The following GFRA1 variants were observed in gnomAD, a reference collection of about 807,000 sequenced individuals.
GFRA1 encodes the protein GDNF family receptor alpha-1.
In GFRA1, 16 loss-of-function variants were observed where a neutral mutation model predicts 51.6. The observed-to-expected ratio is 0.31, with a 90% CI of 0.21 to 0.47. The LOEUF is 0.47. GFRA1 is among the 20% of genes least tolerant of loss of function. GFRA1 has a pLI of 1.00. For missense variants in GFRA1, 530 were observed against 594.3 expected (o/e 0.89, Z 1.13); for synonymous variants, 270 against 241.3 (o/e 1.12, Z -1.10).
chr10:116,152,290 C>A (rs960131319), intron 5 of GFRA1, among the ~76,000 whole-genome samples: 1 of 152,194 alleles, frequency 6.6e-6, no homozygotes, highest in African/African-American at 2.4e-5. Context: ...CAGTACCCCA[C>A]GCTGTGGAAT....
chr10:116,061,442 T>C lies in GFRA1; in HGVS notation c.*2956A>G, dbSNP rs1438671493. The C allele has an allele frequency of 6.6e-6, 1 of 152,280 alleles. No homozygotes were observed. The highest frequency in any genetic ancestry group is 1.5e-5 in the Non-Finnish European group (1 of 68,082). The allele number at this position is 152,280 out of a possible 1,614,324, so 9.4% of individuals were successfully genotyped here. On this transcript the variant is annotated 3_prime_UTR_variant, in exon 11 of 11. Transcript: ENST00000355422. ...TCTATATTGTGTGCTTCTTCCTTCA[T>C]GTGCTCTATTAAAAAGATACTCAAG... is the stretch of plus-strand genomic sequence containing the variant.
At chr10:116,084,687 A>G (rs1422945099) in intron 9 of GFRA1, among the ~76,000 whole-genome samples, 2 of 152,062 alleles carry the variant, frequency 1.3e-5, no homozygotes, top group Non-Finnish European at 2.9e-5. Context: ...GTAAGACACC[A>G]GAGTTAAGCA....
chr10:116,267,390 C>T (rs1969743275), intron 4 of GFRA1, among the ~76,000 whole-genome samples: 3 of 152,080 alleles, frequency 2.0e-5, no homozygotes, highest in South Asian at 4.2e-4. Flanking sequence ...CACTTGAACA[C>T]GGGAGGCAAA....
chr10:116,213,608 T>C (rs567252988), intron 4 of GFRA1, among the ~76,000 whole-genome samples: 336 of 152,328 alleles, frequency 2.2e-3, no homozygotes, highest in African/African-American at 7.7e-3. Context: ...GTAGGAACTA[T>C]ATCATCAACA....
chr10:116,079,983 C>T (rs552989525), intron 9 of GFRA1, among the ~76,000 whole-genome samples: 3 of 152,244 alleles, frequency 2.0e-5, no homozygotes, highest in South Asian at 2.1e-4. Flanking sequence ...CCACAGGCCA[C>T]GAAGACCAGA....
At chr10:116,192,859 C>CA (rs1404743201) in intron 5 of GFRA1, among the ~76,000 whole-genome samples, 1 of 152,156 alleles carries the variant, frequency 6.6e-6, no homozygotes. Flanking sequence ...GCTGGGGAAA[C>CA]AGAGGCAGTC....
chr10:116,137,486 T>C (rs1250227540), intron 5 of GFRA1, among the ~76,000 whole-genome samples: 1 of 152,166 alleles, frequency 6.6e-6, no homozygotes, highest in Non-Finnish European at 1.5e-5. Flanking sequence ...TGCCTTCACC[T>C]GCTTCCCAAT....
At chr10:116,187,782 T>C (rs893531927) in intron 5 of GFRA1, among the ~76,000 whole-genome samples, 3 of 152,070 alleles carry the variant, frequency 2.0e-5, no homozygotes, top group Non-Finnish European at 2.9e-5. Flanking sequence ...AATCTCAACA[T>C]TGGCCATGGA....
At chr10:116,273,422 G>C (rs1335894044), upstream of GFRA1, 1 of 152,146 alleles carries the variant, frequency 6.6e-6, no homozygotes, top group Non-Finnish European at 1.5e-5. Flanking sequence ...TATTGGAAGC[G>C]GCGCGGAGAA....
chr10:116,223,976 T>C (rs1470669878), intron 4 of GFRA1, among the ~76,000 whole-genome samples: 1 of 152,192 alleles, frequency 6.6e-6, no homozygotes, highest in Non-Finnish European at 1.5e-5. Flanking sequence ...TGACACAGCA[T>C]TCCTTCCCTC....
At chr10:116,247,230 C>T (rs1016634390) in intron 4 of GFRA1, among the ~76,000 whole-genome samples, 1 of 152,156 alleles carries the variant, frequency 6.6e-6, no homozygotes, top group Non-Finnish European at 1.5e-5. Context: ...TCTCTCACTC[C>T]ATGTCCTCAA....
At chr10:116,143,943 G>A (rs74160636) in intron 5 of GFRA1, among the ~76,000 whole-genome samples, 2,813 of 152,184 alleles carry the variant, frequency 0.018, 84 homozygotes, top group African/African-American at 0.064. Flanking sequence ...CTTTGTCACT[G>A]CTCGGTTTGG....
chr10:116,064,104 A>C lies in GFRA1; in HGVS notation c.*294T>G. On this transcript the variant is annotated 3_prime_UTR_variant, in exon 11 of 11. Transcript: ENST00000355422. Reference sequence around the variant, plus strand: ...GATCATCATCATGATCATCATCATCATCGAAAACACAGCCCCAGTTTGCTT... The same window carrying C: ...GATCATCATCATGATCATCATCATCCTCGAAAACACAGCCCCAGTTTGCTT... 1 of 316,990 alleles carries C rather than the reference A, an allele frequency of 3.2e-6. No homozygotes were observed. The highest frequency in any genetic ancestry group is 7.2e-5 in the East Asian group (1 of 13,820). 19.6% of individuals were successfully genotyped at this position (316,990 alleles called of 1,614,324 possible). A position where few individuals can be genotyped will look rare whatever the true frequency, so the allele number is the denominator to read the frequency against.
At chr10:116,231,461 T>G (rs1966670707) in intron 4 of GFRA1, among the ~76,000 whole-genome samples, 1 of 152,228 alleles carries the variant, frequency 6.6e-6, no homozygotes. Flanking sequence ...ATATAAGGCA[T>G]GGGGATAAGT....
At chr10:116,150,352 T>C (rs1264785695) in intron 5 of GFRA1, among the ~76,000 whole-genome samples, 1 of 152,170 alleles carries the variant, frequency 6.6e-6, no homozygotes, top group African/African-American at 2.4e-5. Flanking sequence ...CCTACTTCAT[T>C]TCCATCAGGA....
intron 4 of GFRA1, among the ~76,000 whole-genome samples, chr10:116,225,345 G>A (rs1192909548): frequency 6.6e-6 from 1 of 151,696 alleles, no homozygotes; most frequent in East Asian, 2.0e-4. Context: ...GACCATCCTG[G>A]CCAACAAGGT....
At chr10:116,098,779 A>G (rs190769359) in intron 6 of GFRA1, among the ~76,000 whole-genome samples, 1 of 152,368 alleles carries the variant, frequency 6.6e-6, no homozygotes, top group Admixed American at 6.5e-5. Flanking sequence ...TAATGCCACC[A>G]GACTCATTTT....
Position 116,111,416 on chromosome 10 carries a change from G to T in GFRA1, c.770+13805C>A, listed in dbSNP as rs370622783. Reference sequence around the variant, plus strand: ...CAGCAGGCAATAGAGCCCTTCCAGTGGTCCCCACAGCCTTCCAAATAAAGC... The same window carrying T: ...CAGCAGGCAATAGAGCCCTTCCAGTTGTCCCCACAGCCTTCCAAATAAAGC... On this transcript the variant is annotated intron_variant, in intron 6 of 10. Coordinates refer to ENST00000355422, the MANE Select transcript of GFRA1 (RefSeq NM_005264.8). Among the ~76,000 whole-genome samples the T allele has an allele frequency of 2.4e-3, 362 of 152,258 alleles. 2 individuals carry two copies. Among genetic ancestry groups the T allele is most frequent in the African/African-American group, 8.4e-3 (350 of 41,564 alleles).
chr10:116,235,342 G>A (rs1966854600), intron 4 of GFRA1, among the ~76,000 whole-genome samples: 4 of 152,170 alleles, frequency 2.6e-5, no homozygotes, highest in African/African-American at 9.7e-5. Flanking sequence ...TCCTTTCACA[G>A]GAAACGAATC....
Sources: gnomAD v4.1 joint callset for allele counts (sites outside exome capture counted in the v4.1 genomes callset) on GRCh38, gnomAD v4.1.1 for gene constraint, MANE v1.5 for transcripts, NCBI Gene and HGNC (gene_info 2026-07-23, HGNC 2026-07-21) for gene names.